The following DGKZ variants were observed in gnomAD, a reference collection of about 807,000 sequenced individuals.
DGKZ encodes DAG kinase zeta.
Under a neutral mutation model 142.5 loss-of-function variants are expected in DGKZ, and 45 were observed. The observed-to-expected ratio is 0.32, with a 90% CI of 0.25 to 0.40. The LOEUF (loss-of-function observed/expected upper bound fraction) is 0.40. Among genes scored for constraint, DGKZ ranks in the 10% least tolerant of loss-of-function variants. The pLI is 1.00. For synonymous variants in DGKZ, 442 were observed against 527.0 expected, an observed-to-expected ratio of 0.84 and a Z score of 2.21; for missense variants, 755 against 1,306.5, an observed-to-expected ratio of 0.58 and a Z score of 6.51.
In DGKZ at chr11:46,369,271, G is replaced by A. The variant is rs1471459801; in HGVS notation, c.445-223G>A. The A allele has an allele frequency of 1.4e-5, 9 of 626,922 alleles. No homozygotes were observed. In the African/African-American group the frequency reaches 1.6e-4, roughly 11 times the overall value. 38.8% of individuals were successfully genotyped at this position (626,922 alleles called of 1,614,324 possible). A position where few individuals can be genotyped will look rare whatever the true frequency, so the allele number is the denominator to read the frequency against. ...GCTCCCAACCTCCCCCTCATCCTGG[G>A]TCCTGGGTGGAAGAAGGAAAGATCC... On this transcript the variant is annotated intron_variant, in intron 4 of 30. Coordinates refer to ENST00000527911, the Ensembl canonical transcript of DGKZ.
intron 1 of DGKZ, chr11:46,364,445 C>G (rs1943034604): frequency 1.6e-6 from 2 of 1,281,052 alleles, no homozygotes; most frequent in Admixed American, 4.6e-5. Context: ...CTGTCCTGCC[C>G]CTGCAGCTCC....
At chr11:46,370,919 A>C (rs1943874200) in intron 6 of DGKZ, among the ~76,000 whole-genome samples, 1 of 151,998 alleles carries the variant, frequency 6.6e-6, no homozygotes, top group Non-Finnish European at 1.5e-5. Context: ...CCCTGTCTCT[A>C]CTGAAAATAC....
intron 28 of DGKZ, 25 bp downstream of exon 28, chr11:46,379,136 G>A (rs1270121580): frequency 1.2e-6 from 2 of 1,610,978 alleles, no homozygotes; most frequent in East Asian, 4.5e-5. Context: ...GGAGCCCAGG[G>A]CCTGGGGCCA....
At chr11:46,365,191 G>T (rs1173682966) in intron 1 of DGKZ, 1 of 985,320 alleles carries the variant, frequency 1.0e-6, no homozygotes, top group Non-Finnish European at 1.2e-6. Flanking sequence ...CACAGCTCCT[G>T]CCTGCCTGCA....
At chr11:46,364,257 A>C (rs1439666735) in intron 1 of DGKZ, 1 of 885,010 alleles carries the variant, frequency 1.1e-6, no homozygotes, top group East Asian at 6.2e-5. Context: ...CCTCTGCGTC[A>C]ACTTCCTCAT....
chr11:46,341,378 T>C (rs1053375965), intron 1 of DGKZ, among the ~76,000 whole-genome samples: 12 of 152,170 alleles, frequency 7.9e-5, no homozygotes, highest in African/African-American at 2.9e-4. Context: ...AGGAATATCA[T>C]TGGGAACAAA....
chr11:46,347,298 C>T, upstream of DGKZ: 1 of 984,848 alleles, frequency 1.0e-6, no homozygotes, highest in Non-Finnish European at 1.2e-6. The surrounding 1 kb of genome is among the most constrained non-coding windows in gnomAD (Gnocchi z 6.4). Flanking sequence ...CTGCCCCGCC[C>T]ATTCGTCGCC....
intron 1 of DGKZ, among the ~76,000 whole-genome samples, chr11:46,364,055 C>T (rs1288925210): frequency 2.0e-5 from 3 of 152,222 alleles, no homozygotes; most frequent in African/African-American, 7.2e-5. Context: ...GTACTTAGCC[C>T]AGGGCCTGTC....
In DGKZ at chr11:46,335,443, A is replaced by G. The variant is rs572369897; in HGVS notation, c.212+1956A>G. 9.2e-5 allele frequency among the ~76,000 whole-genome samples: 14 copies of G among 152,222 alleles called. No homozygotes were observed. The East Asian group carries it at 2.7e-3, about 29-fold the overall frequency. The stretch of plus-strand genomic sequence containing the variant: ...CACGTGCACGCACACACACACACAC[A>G]CACACACACACGCACACAGCGGCAA... On this transcript the variant is annotated intron_variant, in intron 1 of 30. Coordinates refer to the DGKZ transcript ENST00000343674.
chr11:46,364,113 C>G (rs1468185620), intron 1 of DGKZ, among the ~76,000 whole-genome samples: 1 of 152,222 alleles, frequency 6.6e-6, no homozygotes, highest in Non-Finnish European at 1.5e-5. Flanking sequence ...CCTTTCCTAC[C>G]CCATCCCAGC....
chr11:46,345,516 C>T (rs764129108), upstream of DGKZ: 14 of 1,520,180 alleles, frequency 9.2e-6, 1 homozygote, highest in South Asian at 1.2e-5. This position sits in a 1 kb window ranked among gnomAD's most constrained non-coding sequence, Gnocchi z 4.1. Flanking sequence ...CGGCCGGGGT[C>T]ACTGAGGCAG....
At position 46,378,245 on chromosome 11, in the gene DGKZ, C is replaced by T; in HGVS notation, c.2374+16C>T. The T allele has an allele frequency of 1.2e-6, 2 of 1,600,866 alleles. No individual in the cohort carries two copies. Among genetic ancestry groups the T allele is most frequent in the Non-Finnish European group, 1.7e-6 (2 of 1,173,932 alleles). ...CCCCCTCAAGGTGAGGCCTCTCCCTCTGGGGCCCCTCCTTTCTGCCTGGTT... is the reference window on the plus strand; with the variant it reads ...CCCCCTCAAGGTGAGGCCTCTCCCTTTGGGGCCCCTCCTTTCTGCCTGGTT... On this transcript the variant is annotated intron_variant, in intron 26 of 30. Coordinates refer to ENST00000527911, the Ensembl canonical transcript of DGKZ.
At chr11:46,356,674 G>C (rs991228625) in intron 1 of DGKZ, among the ~76,000 whole-genome samples, 19 of 152,120 alleles carry the variant, frequency 1.2e-4, no homozygotes, top group African/African-American at 4.3e-4. Flanking sequence ...AGCATCCAGG[G>C]TGGAGCCTGA....
At chr11:46,368,232 C>A in intron 4 of DGKZ, 153 bp downstream of exon 4, 1 of 775,660 alleles carries the variant, frequency 1.3e-6, no homozygotes, top group Non-Finnish European at 2.2e-6. Context: ...CAAATGCCTG[C>A]GTTCGAATCC....
chr11:46,369,659 G>T (rs1943721903), intron 5 of DGKZ, 109 bp downstream of exon 5: 2 of 1,402,050 alleles, frequency 1.4e-6, no homozygotes, highest in South Asian at 1.2e-5. Context: ...CTAGGCTGCT[G>T]CTCACTGAGG....
At chr11:46,349,849 G>T (rs1030408886) in intron 1 of DGKZ, among the ~76,000 whole-genome samples, 1 of 152,160 alleles carries the variant, frequency 6.6e-6, no homozygotes, top group South Asian at 2.1e-4. Context: ...GATCCCAAAC[G>T]GAACATCACA....
chr11:46,367,023 C>A lies in DGKZ; in HGVS notation c.162-268C>A. The A allele has an allele frequency of 6.8e-7, 1 of 1,481,340 alleles. No homozygotes were observed. 91.8% of individuals were successfully genotyped at this position (1,481,340 alleles called of 1,614,324 possible). On this transcript the variant is annotated intron_variant, in intron 1 of 30. Coordinates refer to ENST00000527911, the Ensembl canonical transcript of DGKZ. The surrounding 1 kb of genome is among the most constrained non-coding windows in gnomAD (Gnocchi z 4.1). ...TGGCCAGCAGGGCGAGTGGTGTGACCTCCTGTGGGTCTGGCCTGGGCATGG... is the reference window on the plus strand; with the variant it reads ...TGGCCAGCAGGGCGAGTGGTGTGACATCCTGTGGGTCTGGCCTGGGCATGG...
At position 46,367,378 on chromosome 11, in the gene DGKZ, C is replaced by T. The variant is rs761454646; in HGVS notation, c.249C>T (p.Ile83=). ...CGTGCAGCGAGTCAGAGCGGCAGAT[C>T]CGGAGTACAGTGGACTGGAGCGTGA... is the stretch of plus-strand genomic sequence containing the variant. Residue 83 remains isoleucine, a synonymous_variant, in exon 2 of 31, where the codon ATC becomes ATT. Transcript: ENST00000527911. The surrounding 1 kb of genome is among the most constrained non-coding windows in gnomAD (Gnocchi z 4.1). 6.0e-5 allele frequency: 96 copies of T among 1,613,022 alleles called. No individual in the cohort carries two copies. Among genetic ancestry groups the T allele is most frequent in the Non-Finnish European group, 7.6e-5 (90 of 1,179,990 alleles).
chr11:46,360,160 G>T (rs1307468351), intron 1 of DGKZ, among the ~76,000 whole-genome samples: 1 of 152,122 alleles, frequency 6.6e-6, no homozygotes, highest in African/African-American at 2.4e-5. Context: ...TATTAGGCCA[G>T]ATGTTAAAGA....
Sources: gnomAD v4.1 joint callset for allele counts (sites outside exome capture counted in the v4.1 genomes callset) on GRCh38, gnomAD v4.1.1 for gene constraint, Gnocchi (gnomAD v3.1) non-coding constraint, MANE v1.5 for transcripts, NCBI Gene and HGNC (gene_info 2026-07-23, HGNC 2026-07-21) for gene names.